Variants in SYCP2L observed in about 807,000 individuals in gnomAD.
The protein encoded by SYCP2L is synaptonemal complex protein 2 like.
Under a neutral mutation model 125.8 loss-of-function variants are expected in SYCP2L, and 98 were observed. The observed-to-expected ratio is 0.78, with a 90% CI of 0.66 to 0.92. SYCP2L has a LOEUF of 0.92. SYCP2L is among the 40% of genes least tolerant of loss of function. The pLI, the probability that SYCP2L is intolerant of heterozygous loss-of-function variation, is 0.00. For synonymous variants in SYCP2L, 317 were observed against 325.4 expected, an observed-to-expected ratio of 0.97 and a Z score of 0.28; for missense variants, 842 against 936.4, an observed-to-expected ratio of 0.90 and a Z score of 1.32.
Position 10,954,001 on chromosome 6 carries a change from A to G in SYCP2L, c.1955-1115A>G, listed in dbSNP as rs1217185384. ...ATGTCCAAGGAACTACAAGGAGACC[A>G]GGATATCAGGAGCAGAGTGGAGGAA... is the stretch of plus-strand genomic sequence containing the variant. On this transcript the variant is annotated intron_variant, in intron 23 of 29. Coordinates refer to ENST00000283141, the MANE Select transcript of SYCP2L (RefSeq NM_001040274.3). This position sits in a 1 kb window ranked among gnomAD's most constrained non-coding sequence, Gnocchi z 4.8. Among the ~76,000 whole-genome samples, 1 of 152,226 alleles carries G rather than the reference A, an allele frequency of 6.6e-6. No individual in the cohort carries two copies. Among genetic ancestry groups the G allele is most frequent in the East Asian group, 1.9e-4 (1 of 5,188 alleles).
At chr6:10,915,252 A>G (rs1043624266) in intron 14 of SYCP2L, among the ~76,000 whole-genome samples, 1 of 152,158 alleles carries the variant, frequency 6.6e-6, no homozygotes, top group South Asian at 2.1e-4. Flanking sequence ...GTATACAATC[A>G]TTATCATCAG....
chr6:10,949,536 G>A (rs996728697), intron 23 of SYCP2L, among the ~76,000 whole-genome samples: 9 of 151,956 alleles, frequency 5.9e-5, no homozygotes, highest in African/African-American at 1.4e-4. Flanking sequence ...GGCTGAAAAC[G>A]GTATCCAAAT....
In SYCP2L at chr6:10,910,885, T is replaced by C. The variant is rs755540619; in HGVS notation, c.918+16T>C. 3 of 1,613,932 alleles carry C rather than the reference T, an allele frequency of 1.9e-6. No homozygotes were observed. The highest frequency in any genetic ancestry group is 2.5e-6 in the Non-Finnish European group (3 of 1,179,806). On this transcript the variant is annotated intron_variant, in intron 12 of 29. Transcript: ENST00000283141. ...TGAGCATGAGGTATGTTCATCCCTC[T>C]TGGAGGTCCTGAGGGCGGTGTGCAG...
chr6:10,920,343 G>C (rs989667943), intron 14 of SYCP2L, among the ~76,000 whole-genome samples: 3 of 152,254 alleles, frequency 2.0e-5, no homozygotes, highest in Middle Eastern at 3.4e-3. Flanking sequence ...TCAGCCTCCT[G>C]AGTAGCTGGG....
At chr6:10,949,440 A>G (rs79323888) in intron 23 of SYCP2L, among the ~76,000 whole-genome samples, 4,092 of 152,206 alleles carry the variant, frequency 0.027, 144 homozygotes, top group East Asian at 0.2. Flanking sequence ...ATTTTTTGCA[A>G]CATAGTCAGA....
At position 10,887,116 on chromosome 6, in the gene SYCP2L, G is replaced by C. The variant is rs776480914; in HGVS notation, c.-11G>C. On this transcript the variant is annotated 5_prime_UTR_variant, in exon 1 of 30. Transcript: ENST00000283141. ...AGCGGCGCGTCGCTTCAGGAACGAA[G>C]AAGCCTCGTTATGCAAGCGGTGAGT... is the stretch of plus-strand genomic sequence containing the variant. 2.5e-6 allele frequency: 4 copies of C among 1,614,146 alleles called. No individual in the cohort carries two copies. The highest frequency in any genetic ancestry group is 3.4e-6 in the Non-Finnish European group (4 of 1,180,000).
chr6:10,907,489 T>A (rs1780518227), intron 9 of SYCP2L, 53 bp from the exon 10 acceptor site: 1 of 1,533,916 alleles, frequency 6.5e-7, no homozygotes, highest in Non-Finnish European at 8.8e-7. Flanking sequence ...ACTCATTTTT[T>A]CTTTTGCTTT....
intron 1 of SYCP2L, among the ~76,000 whole-genome samples, chr6:10,888,070 T>C (rs1260211507): frequency 2.1e-4 from 1 of 4,678 alleles, no homozygotes; most frequent in Non-Finnish European, 5.7e-4. Context: ...TACCATCTTT[T>C]TTTTTTTTTT....
At chr6:10,915,005 C>G (rs1368230755) in intron 14 of SYCP2L, among the ~76,000 whole-genome samples, 1 of 152,142 alleles carries the variant, frequency 6.6e-6, no homozygotes, top group Admixed American at 6.5e-5. Flanking sequence ...CTCAGCCTCC[C>G]AAAGTTCTGG....
chr6:10,914,979 C>T (rs914319511), intron 14 of SYCP2L, among the ~76,000 whole-genome samples: 3 of 152,104 alleles, frequency 2.0e-5, no homozygotes, highest in Non-Finnish European at 2.9e-5. Context: ...CTCCTGACCT[C>T]AGGTGATCCG....
chr6:10,965,205 G>A (rs1781658914), intron 29 of SYCP2L, among the ~76,000 whole-genome samples: 1 of 152,244 alleles, frequency 6.6e-6, no homozygotes, highest in Admixed American at 6.5e-5. Flanking sequence ...AAGGCGTTTG[G>A]TGTCCAAGTT....
chr6:10,960,325 G>A (rs1390780827), intron 26 of SYCP2L, among the ~76,000 whole-genome samples: 2 of 152,172 alleles, frequency 1.3e-5, no homozygotes, highest in African/African-American at 4.8e-5. Context: ...AGCCCACGAA[G>A]GACTTTGGAT....
intron 29 of SYCP2L, among the ~76,000 whole-genome samples, chr6:10,969,358 CTT>C (rs534262433): frequency 1.4e-3 from 148 of 105,010 alleles, no homozygotes; most frequent in East Asian, 3.3e-3. Context: ...AGGAAATTAT[CTT>C]TTTTTTTTTT....
intron 4 of SYCP2L, among the ~76,000 whole-genome samples, chr6:10,895,837 T>C (rs1462145492): frequency 6.6e-6 from 1 of 151,886 alleles, no homozygotes; most frequent in African/African-American, 2.4e-5. Context: ...ACACAAAGTG[T>C]GCTCGGAAGT....
chr6:10,943,261 T>C (rs915857795), intron 23 of SYCP2L, among the ~76,000 whole-genome samples: 4 of 152,238 alleles, frequency 2.6e-5, no homozygotes, highest in African/African-American at 4.8e-5. Context: ...ACTTTTCTAC[T>C]GTTTATGATG....
chr6:10,939,459 T>G (rs1275987808), intron 21 of SYCP2L, among the ~76,000 whole-genome samples: 1 of 152,214 alleles, frequency 6.6e-6, no homozygotes, highest in Admixed American at 6.5e-5. Flanking sequence ...GGCATCACAC[T>G]TTCTGATTTC....
At chr6:10,955,429 TTCTTCCTCGTAAC>T (rs1413271596) in intron 24 of SYCP2L, among the ~76,000 whole-genome samples, 1 of 152,218 alleles carries the variant, frequency 6.6e-6, no homozygotes, top group Non-Finnish European at 1.5e-5. Context: ...GCATTTTTAT[TTCTTCCTCGTAAC>T]TCTTCCTTCT....
chr6:10,933,003 C>T (rs1781024788), intron 20 of SYCP2L, among the ~76,000 whole-genome samples: 1 of 152,240 alleles, frequency 6.6e-6, no homozygotes, highest in African/African-American at 2.4e-5. Flanking sequence ...ATCCACCTGC[C>T]TTGGCCTCCC....
Position 10,966,512 on chromosome 6 carries a change from C to T in SYCP2L, c.*37+2669C>T, listed in dbSNP as rs745339845. On this transcript the variant is annotated intron_variant, in intron 29 of 29. Coordinates refer to ENST00000283141, the MANE Select transcript of SYCP2L (RefSeq NM_001040274.3). ...GATGGGAGATGGAATAACATAAAGG[C>T]GTCCATTCTGCCTAAATTAGTAAAA... 1.2e-4 allele frequency among the ~76,000 whole-genome samples: 18 copies of T among 152,240 alleles called. No individual in the cohort carries two copies. In the East Asian group the frequency reaches 2.5e-3, roughly 21 times the overall value.
Sources: allele counts gnomAD v4.1 joint callset (sites outside exome capture counted in the v4.1 genomes callset), GRCh38; gene constraint gnomAD v4.1.1; non-coding constraint Gnocchi (gnomAD v3.1); transcripts MANE v1.5; gene names NCBI Gene and HGNC (gene_info 2026-07-23, HGNC 2026-07-21).